CELF2: variants seen among roughly 807,000 people sequenced by gnomAD.
CELF2 encodes CUG triplet repeat RNA-binding protein 2.
A neutral mutation model predicts 62.6 loss-of-function variants in CELF2; 8 were observed. That is an observed-to-expected ratio of 0.13 (90% CI 0.07 to 0.23). The LOEUF (loss-of-function observed/expected upper bound fraction) is 0.23. Among genes scored for constraint, CELF2 ranks in the 10% least tolerant of loss-of-function variants. The pLI, the probability that CELF2 is intolerant of heterozygous loss-of-function variation, is 1.00. For missense variants in CELF2, 333 were observed against 671.0 expected, an observed-to-expected ratio of 0.50 and a Z score of 5.56; for synonymous variants, 258 against 250.0, an observed-to-expected ratio of 1.03 and a Z score of -0.30.
chr10:10,563,190 G>A, the CELF2 span, among the ~76,000 whole-genome samples: 134 of 152,196 alleles, frequency 8.8e-4, no homozygotes, highest in African/African-American at 3.1e-3. Flanking sequence ...TTCAGCCCTC[G>A]TTTTCTGTCT....
At chr10:11,118,463 C>T (rs958294136) in intron 1 of CELF2, among the ~76,000 whole-genome samples, 1 of 152,088 alleles carries the variant, frequency 6.6e-6, no homozygotes, top group African/African-American at 2.4e-5. Context: ...CCCCATGTGC[C>T]TTGCCCCCAA....
chr10:10,478,994 CTCT>C, the CELF2 span, among the ~76,000 whole-genome samples: 1 of 152,306 alleles, frequency 6.6e-6, no homozygotes, highest in Admixed American at 6.5e-5. Context: ...CCCATCCCCA[CTCT>C]TCTCCTGGCA....
At chr10:10,911,721 T>C (rs1048971252) in intron 1 of CELF2, among the ~76,000 whole-genome samples, 11 of 152,232 alleles carry the variant, frequency 7.2e-5, no homozygotes, top group African/African-American at 2.4e-4. Flanking sequence ...CTCCGCCTCC[T>C]GGACTTTATC....
chr10:11,102,824 T>G (rs1042076095), intron 1 of CELF2, among the ~76,000 whole-genome samples: 10 of 152,158 alleles, frequency 6.6e-5, no homozygotes, highest in Non-Finnish European at 1.2e-4. Context: ...CTCCTTTTTC[T>G]CTCTCATTCC....
chr10:11,260,789 A>G lies in CELF2; in HGVS notation c.538+2917A>G, dbSNP rs2080293100. Reference sequence around the variant, plus strand: ...CTGAGAACTGAAGACAGACAGTGGTACTTTTTTCAATTCGCAGGACCCAGG... The same window carrying G: ...CTGAGAACTGAAGACAGACAGTGGTGCTTTTTTCAATTCGCAGGACCCAGG... On this transcript the variant is annotated intron_variant, in intron 5 of 12. Coordinates refer to ENST00000633077, the MANE Select transcript of CELF2 (RefSeq NM_001326342.2). The surrounding 1 kb of genome is among the most constrained non-coding windows in gnomAD (Gnocchi z 4.2). 2.0e-5 allele frequency among the ~76,000 whole-genome samples: 3 copies of G among 152,220 alleles called. No individual in the cohort carries two copies. The highest frequency in any genetic ancestry group is 7.2e-5 in the African/African-American group (3 of 41,458).
In CELF2 at chr10:11,223,528, A is replaced by G. The variant is rs1275408087; in HGVS notation, c.354+6021A>G. Among the ~76,000 whole-genome samples, 1 of 152,232 alleles carries G rather than the reference A, an allele frequency of 6.6e-6. No homozygotes were observed. The highest frequency in any genetic ancestry group is 2.4e-5 in the African/African-American group (1 of 41,458). Reference sequence around the variant, plus strand: ...ATTTCCCTGCCATCTGTGTTTTCAGATAATACTCAAATCTCATACAAATAA... The same window carrying G: ...ATTTCCCTGCCATCTGTGTTTTCAGGTAATACTCAAATCTCATACAAATAA... On this transcript the variant is annotated intron_variant, in intron 3 of 12. Transcript: ENST00000633077. This position sits in a 1 kb window ranked among gnomAD's most constrained non-coding sequence, Gnocchi z 5.1.
rs753280120 is a variant in CELF2, at chr10:11,197,052, A to AG, written c.272-20372dup. On this transcript the variant is annotated intron_variant, in intron 2 of 12. Transcript: ENST00000633077. Reference sequence around the variant, plus strand: ...AAGAAAGAAAGAAAGAAAGAAAGAAAGAAAGAAAAGAAAGAAAGGAAAGAA... The same window carrying AG: ...AAGAAAGAAAGAAAGAAAGAAAGAAAGGAAAGAAAAGAAAGAAAGGAAAGAA... Among the ~76,000 whole-genome samples the AG allele has an allele frequency of 3.8e-4, 12 of 31,690 alleles. 1 individual carries two copies. Among genetic ancestry groups the AG allele is most frequent in the African/African-American group, 1.4e-3 (11 of 7,832 alleles). 20.8% of individuals were successfully genotyped at this position (31,690 alleles called of 152,430 possible).
Position 11,224,645 on chromosome 10 carries a change from T to C in CELF2, c.354+7138T>C, listed in dbSNP as rs1472381894. ...TATACACCTAGAAAATTGTCCAAAT[T>C]CTGTCATTAGCGTATAGGGTTTCCA... On this transcript the variant is annotated intron_variant, in intron 3 of 12. Coordinates refer to ENST00000633077, the MANE Select transcript of CELF2 (RefSeq NM_001326342.2). The surrounding 1 kb of genome is among the most constrained non-coding windows in gnomAD (Gnocchi z 4.5). Among the ~76,000 whole-genome samples, 1 of 152,110 alleles carries C rather than the reference T, an allele frequency of 6.6e-6. No individual in the cohort carries two copies. The highest frequency in any genetic ancestry group is 2.4e-5 in the African/African-American group (1 of 41,416).
the CELF2 span, among the ~76,000 whole-genome samples, chr10:10,607,462 G>A: frequency 2.0e-5 from 3 of 152,166 alleles, no homozygotes; most frequent in Non-Finnish European, 4.4e-5. Flanking sequence ...AAAGCCAAGT[G>A]TGTATAGAAA....
upstream of CELF2, among the ~76,000 whole-genome samples, chr10:11,013,571 C>T (rs1035288286): frequency 2.0e-5 from 3 of 152,014 alleles, no homozygotes; most frequent in Admixed American, 2.0e-4. This position sits in a 1 kb window ranked among gnomAD's most constrained non-coding sequence, Gnocchi z 4.1. Context: ...CAGAAAAACA[C>T]AAGATTGCAA....
the CELF2 span, among the ~76,000 whole-genome samples, chr10:10,642,013 T>C: frequency 3.3e-5 from 5 of 152,154 alleles, no homozygotes; most frequent in Non-Finnish European, 5.9e-5. Context: ...TATTCCTTAT[T>C]CTGAGTGCCT....
At chr10:10,823,509 A>G (rs1378196685) in intron 1 of CELF2, among the ~76,000 whole-genome samples, 1 of 152,240 alleles carries the variant, frequency 6.6e-6, no homozygotes, top group East Asian at 1.9e-4. Context: ...TGTAGGTGAC[A>G]GAAATAACAT....
rs145723938 is a variant in CELF2 at position 10,962,060 on chromosome 10, T to A, written c.89+42061T>A. 2.3e-4 allele frequency among the ~76,000 whole-genome samples: 34 copies of A among 147,682 alleles called. No individual in the cohort carries two copies. In the East Asian group the frequency reaches 6.8e-3, roughly 30 times the overall value. On this transcript the variant is annotated intron_variant, in intron 2 of 13. Transcript: ENST00000636488. The stretch of plus-strand genomic sequence containing the variant: ...CTGGGCAACATTATAGGAGACCCCA[T>A]CTCTACAAAAAAAGAAAAGAGAGAG...
intron 8 of CELF2, among the ~76,000 whole-genome samples, chr10:11,279,751 T>A (rs1021678661): frequency 1.1e-4 from 17 of 152,168 alleles, no homozygotes; most frequent in Admixed American, 9.2e-4. Context: ...TAATTTTTTT[T>A]AAATCTTAAG....
intron 1 of CELF2, among the ~76,000 whole-genome samples, chr10:10,898,943 A>G (rs2062750722): frequency 6.6e-6 from 1 of 152,250 alleles, no homozygotes; most frequent in South Asian, 2.1e-4. Flanking sequence ...ATAAATCAGT[A>G]GGAAATCTCC....
At chr10:10,656,867 A>T in the CELF2 span, among the ~76,000 whole-genome samples, 1 of 151,554 alleles carries the variant, frequency 6.6e-6, no homozygotes, top group East Asian at 1.9e-4. Context: ...AACTTAAAGT[A>T]TAATTAAAAA....
chr10:11,111,114 A>G (rs1395143396), intron 1 of CELF2, among the ~76,000 whole-genome samples: 2 of 152,172 alleles, frequency 1.3e-5, no homozygotes, highest in African/African-American at 4.8e-5. Flanking sequence ...AAATACTTGG[A>G]TGAGATAATA....
intron 8 of CELF2, among the ~76,000 whole-genome samples, chr10:11,275,530 T>C (rs1400376537): frequency 6.6e-6 from 1 of 152,224 alleles, no homozygotes; most frequent in Non-Finnish European, 1.5e-5. Context: ...ATAAAAATGT[T>C]CTGACCTCCG....
the CELF2 span, among the ~76,000 whole-genome samples, chr10:10,654,611 CA>C: frequency 5.1e-5 from 4 of 78,326 alleles, no homozygotes; most frequent in African/African-American, 2.0e-4. Context: ...GAGCCAAAGA[CA>C]AAAACCACAT....
Sources: gnomAD v4.1 joint callset for allele counts (sites outside exome capture counted in the v4.1 genomes callset) on GRCh38, gnomAD v4.1.1 for gene constraint, Gnocchi (gnomAD v3.1) non-coding constraint, MANE v1.5 for transcripts, NCBI Gene and HGNC (gene_info 2026-07-23, HGNC 2026-07-21) for gene names.